KCND2: variants seen among roughly 807,000 people sequenced by gnomAD.
KCND2 encodes the protein potassium voltage-gated channel subfamily D member 2, also known as A-type voltage-gated potassium channel KCND2.
Under a neutral mutation model 54.4 loss-of-function variants are expected in KCND2, and 16 were observed. The observed-to-expected ratio is 0.29, with a 90% confidence interval of 0.20 to 0.45. The LOEUF is 0.45. KCND2 is among the 20% of genes least tolerant of loss of function. The pLI is 1.00. For synonymous variants in KCND2, 317 were observed against 310.7 expected, an observed-to-expected ratio of 1.02 and a Z score of -0.21; for missense variants, 486 against 824.2, an observed-to-expected ratio of 0.59 and a Z score of 5.02.
intron 1 of KCND2, among the ~76,000 whole-genome samples, chr7:120,590,732 A>G (rs988694524): frequency 6.6e-6 from 1 of 152,188 alleles, no homozygotes; most frequent in African/African-American, 2.4e-5. Flanking sequence ...TCAGGCCCTC[A>G]GAAAATTATA....
At chr7:120,493,977 A>C (rs1802817710) in intron 1 of KCND2, among the ~76,000 whole-genome samples, 1 of 152,182 alleles carries the variant, frequency 6.6e-6, no homozygotes, top group African/African-American at 2.4e-5. Flanking sequence ...TATTCAACTG[A>C]ATAAATCTTA....
chr7:120,667,722 T>C (rs1286810625), intron 1 of KCND2, among the ~76,000 whole-genome samples: 1 of 152,066 alleles, frequency 6.6e-6, no homozygotes, highest in Non-Finnish European at 1.5e-5. Context: ...AGTAATCTAA[T>C]TTCTGTCCCT....
chr7:120,309,486 C>T (rs1315485335), intron 1 of KCND2, among the ~76,000 whole-genome samples: 251 of 72,786 alleles, frequency 3.4e-3, no homozygotes, highest in African/African-American at 7.6e-3. Flanking sequence ...CACACACACA[C>T]ACACACACAC....
At chr7:120,726,364 A>G (rs987518461) in intron 1 of KCND2, among the ~76,000 whole-genome samples, 14 of 152,200 alleles carry the variant, frequency 9.2e-5, no homozygotes, top group Admixed American at 7.9e-4. Context: ...CAAACATTAC[A>G]GCTACTGTAA....
At chr7:120,395,277 T>G (rs916812437) in intron 1 of KCND2, among the ~76,000 whole-genome samples, 3 of 152,096 alleles carry the variant, frequency 2.0e-5, no homozygotes, top group African/African-American at 7.2e-5. Flanking sequence ...TCCATAGCTA[T>G]TATTTAATTT....
chr7:120,485,569 C>G (rs1802681472), intron 1 of KCND2, among the ~76,000 whole-genome samples: 2 of 152,188 alleles, frequency 1.3e-5, no homozygotes, highest in Non-Finnish European at 2.9e-5. Context: ...TGACCTGACT[C>G]TACTGAATTG....
At chr7:120,278,285 T>C in intron 1 of KCND2, among the ~76,000 whole-genome samples, 1 of 151,944 alleles carries the variant, frequency 6.6e-6, no homozygotes, top group East Asian at 1.9e-4. Flanking sequence ...AGCCATTGCC[T>C]AACTTTATTG....
At chr7:120,368,424 T>A (rs1008122143) in intron 1 of KCND2, among the ~76,000 whole-genome samples, 1 of 152,062 alleles carries the variant, frequency 6.6e-6, no homozygotes, top group Non-Finnish European at 1.5e-5. Flanking sequence ...AAAAAACTAA[T>A]CCATGTATCC....
intron 1 of KCND2, among the ~76,000 whole-genome samples, chr7:120,302,925 A>G (rs1318991667): frequency 1.3e-5 from 2 of 152,214 alleles, no homozygotes; most frequent in Non-Finnish European, 2.9e-5. Flanking sequence ...AAATATATAA[A>G]TGTGAAATGA....
At chr7:120,354,646 G>A (rs890476098) in intron 1 of KCND2, among the ~76,000 whole-genome samples, 1 of 152,214 alleles carries the variant, frequency 6.6e-6, no homozygotes, top group South Asian at 2.1e-4. Context: ...TACTTGAGGG[G>A]GAGGTGAGGT....
chr7:120,588,539 G>T (rs1792629812), intron 1 of KCND2, among the ~76,000 whole-genome samples: 1 of 151,860 alleles, frequency 6.6e-6, no homozygotes, highest in Non-Finnish European at 1.5e-5. Context: ...ATGGAAAGCT[G>T]CTTGTAGAAA....
At chr7:120,577,930 G>T (rs1389392898) in intron 1 of KCND2, among the ~76,000 whole-genome samples, 2 of 152,070 alleles carry the variant, frequency 1.3e-5, no homozygotes, top group Non-Finnish European at 2.9e-5. Flanking sequence ...GCCAGGCATG[G>T]CAGTTCACAC....
intron 1 of KCND2, among the ~76,000 whole-genome samples, chr7:120,467,727 TGC>T (rs1265770560): frequency 6.6e-6 from 1 of 152,164 alleles, no homozygotes; most frequent in Admixed American, 6.6e-5. Flanking sequence ...TTTTGTCATC[TGC>T]GTTCAGTTTC....
At chr7:120,286,365 C>T (rs879598302) in intron 1 of KCND2, among the ~76,000 whole-genome samples, 6 of 151,658 alleles carry the variant, frequency 4.0e-5, no homozygotes, top group African/African-American at 7.3e-5. Context: ...GCTATATGAC[C>T]GATCTTATTT....
chr7:120,393,555 A>G (rs1413524485), intron 1 of KCND2, among the ~76,000 whole-genome samples: 2 of 151,992 alleles, frequency 1.3e-5, no homozygotes, highest in African/African-American at 4.8e-5. Context: ...TCTTCATTGT[A>G]TACCCATGTA....
chr7:120,448,747 C>T (rs1802056848), intron 1 of KCND2, among the ~76,000 whole-genome samples: 1 of 152,098 alleles, frequency 6.6e-6, no homozygotes, highest in African/African-American at 2.4e-5. Context: ...GGCTTCATCC[C>T]TGGGATGCAA....
intron 1 of KCND2, among the ~76,000 whole-genome samples, chr7:120,467,257 T>G (rs1170105204): frequency 6.6e-6 from 1 of 152,126 alleles, no homozygotes; most frequent in African/African-American, 2.4e-5. Context: ...TGGACGACAT[T>G]TCAACTGAAA....
In KCND2 at chr7:120,675,642, T is replaced by C. The variant is rs1444078599; in HGVS notation, c.1116-57261T>C. On this transcript the variant is annotated intron_variant, in intron 1 of 5. Coordinates refer to ENST00000331113, the MANE Select transcript of KCND2 (RefSeq NM_012281.3). ...TTATAGAGAGACTTCCTGCTTGCTA[T>C]AATACATACCTATTTCTATCTCAGG... 1.3e-5 allele frequency among the ~76,000 whole-genome samples: 2 copies of C among 152,166 alleles called. 1 individual carries two copies. Among genetic ancestry groups the C allele is most frequent in the Non-Finnish European group, 2.9e-5 (2 of 68,024 alleles).
chr7:120,720,136 G>A (rs559978702), intron 1 of KCND2, among the ~76,000 whole-genome samples: 2 of 151,952 alleles, frequency 1.3e-5, no homozygotes, highest in Non-Finnish European at 2.9e-5. Flanking sequence ...AAAAAGCTTC[G>A]AGTGTACCCT....
Sources: gnomAD v4.1 joint callset for allele counts (sites outside exome capture counted in the v4.1 genomes callset) on GRCh38, gnomAD v4.1.1 for gene constraint, MANE v1.5 for transcripts, NCBI Gene and HGNC (gene_info 2026-07-23, HGNC 2026-07-21) for gene names.